The following GRB2 variants were observed in gnomAD, a reference collection of about 807,000 sequenced individuals.
GRB2 encodes the protein growth factor receptor bound protein 2.
Under a neutral mutation model 27.4 loss-of-function variants are expected in GRB2, and 2 were observed. The ratio of observed to expected loss-of-function variants is 0.07; its 90% CI spans 0.03 to 0.23. The LOEUF (loss-of-function observed/expected upper bound fraction) is 0.23. Ranked by LOEUF, GRB2 falls within the 10% of genes least tolerant of loss-of-function variation. The pLI, the probability that GRB2 is intolerant of heterozygous loss-of-function variation, is 1.00. For synonymous variants in GRB2, 94 were observed against 99.6 expected, an observed-to-expected ratio of 0.94 and a Z score of 0.33; for missense variants, 102 against 282.4, an observed-to-expected ratio of 0.36 and a Z score of 4.58.
At chr17:75,365,520 T>C (rs2078813290) in intron 2 of GRB2, among the ~76,000 whole-genome samples, 2 of 152,220 alleles carry the variant, frequency 1.3e-5, no homozygotes, top group African/African-American at 2.4e-5. Context: ...CAGGTTATTC[T>C]GGTGAGAAGA....
At chr17:75,368,544 T>G (rs2385266) in intron 2 of GRB2, among the ~76,000 whole-genome samples, 97,017 of 150,248 alleles carry the variant, frequency 0.65, 36,953 homozygotes, top group East Asian at 0.91. Context: ...TTTTGTTGTT[T>G]TTTTTTTTAA....
At chr17:75,359,967 T>A (rs1433260844) in intron 2 of GRB2, among the ~76,000 whole-genome samples, 1 of 148,534 alleles carries the variant, frequency 6.7e-6, no homozygotes, top group Non-Finnish European at 1.5e-5. Flanking sequence ...GTTACAAAGT[T>A]CTTTCTGTCT....
chr17:75,392,444 C>G (rs187338391), intron 2 of GRB2, among the ~76,000 whole-genome samples: 2 of 152,132 alleles, frequency 1.3e-5, no homozygotes, highest in African/African-American at 4.8e-5. Context: ...AACTCTACGC[C>G]TTGGGCAATG....
chr17:75,393,764 C>T lies in GRB2; in HGVS notation c.-136G>A. The T allele has an allele frequency of 1.5e-6, 1 of 675,578 alleles. No individual in the cohort carries two copies. Among genetic ancestry groups the T allele is most frequent in the Non-Finnish European group, 2.6e-6 (1 of 381,586 alleles). 41.8% of individuals were successfully genotyped at this position (675,578 alleles called of 1,614,324 possible). Reference sequence around the variant, plus strand: ...CGGCACTCTGGGACACACAATGCCACCCTGAAGCAGGAGAGGGACGATTAA... The same window carrying T: ...CGGCACTCTGGGACACACAATGCCATCCTGAAGCAGGAGAGGGACGATTAA... On this transcript the variant is annotated splice_region_variant and 5_prime_UTR_variant, in exon 2 of 6. In the 5' UTR this introduces an upstream ATG that the reference lacks. Transcript: ENST00000316804.
chr17:75,388,583 T>TGG (rs59379896), intron 2 of GRB2, among the ~76,000 whole-genome samples: 99 of 86,330 alleles, frequency 1.1e-3, no homozygotes, highest in African/African-American at 3.9e-3. Context: ...TTTAAAATAG[T>TGG]GGGGGGGGGG....
chr17:75,326,072 G>T (rs948276693), intron 3 of GRB2, 52 bp from the exon 4 acceptor site: 3 of 1,609,114 alleles, frequency 1.9e-6, no homozygotes, highest in African/African-American at 2.7e-5. Context: ...AAAGAAACGG[G>T]ATATCCAGCC....
intron 2 of GRB2, among the ~76,000 whole-genome samples, chr17:75,339,611 TTTTC>T (rs963579919): frequency 3.0e-4 from 41 of 136,610 alleles, no homozygotes; most frequent in Middle Eastern, 3.7e-3. Flanking sequence ...ACATTTTCCT[TTTTC>T]TTTCTTTCTT....
At chr17:75,372,527 T>C (rs2078862754) in intron 2 of GRB2, 1 of 152,204 alleles carries the variant, frequency 6.6e-6, no homozygotes, top group South Asian at 2.1e-4. Context: ...TTTCCTAGCA[T>C]TTCAAAGTGG....
At chr17:75,382,171 C>A (rs945926926) in intron 2 of GRB2, among the ~76,000 whole-genome samples, 1 of 151,394 alleles carries the variant, frequency 6.6e-6, no homozygotes, top group African/African-American at 2.4e-5. Flanking sequence ...TGTGGTGAGC[C>A]GAGATCGCGC....
At chr17:75,323,178 G>GAGT (rs1375980013) in intron 4 of GRB2, among the ~76,000 whole-genome samples, 1 of 148,208 alleles carries the variant, frequency 6.7e-6, no homozygotes, top group East Asian at 2.0e-4. Flanking sequence ...ATGAATGAAT[G>GAGT]AGTCCCTCCT....
intron 3 of GRB2, among the ~76,000 whole-genome samples, chr17:75,327,845 A>C (rs943576899): frequency 3.3e-5 from 5 of 152,098 alleles, no homozygotes; most frequent in African/African-American, 1.2e-4. Context: ...AGTAACTCTG[A>C]ATAGTCTGAC....
At chr17:75,403,657 G>A (rs1209993785) in intron 1 of GRB2, among the ~76,000 whole-genome samples, 1 of 152,148 alleles carries the variant, frequency 6.6e-6, no homozygotes, top group African/African-American at 2.4e-5. Flanking sequence ...CCAGCTACTC[G>A]GGAGTGCGAG....
intron 2 of GRB2, among the ~76,000 whole-genome samples, chr17:75,376,026 GAA>G (rs58559493): frequency 1.2e-4 from 8 of 65,384 alleles, no homozygotes; most frequent in Admixed American, 4.4e-4. Context: ...CTCCGTCTCA[GAA>G]AAAAAAAAAA....
At chr17:75,383,647 G>C (rs570435702) in intron 2 of GRB2, among the ~76,000 whole-genome samples, 1 of 152,246 alleles carries the variant, frequency 6.6e-6, no homozygotes, top group East Asian at 1.9e-4. Flanking sequence ...TTCGAGACCA[G>C]CCCGGCCAAT....
chr17:75,336,589 C>G (rs368095100), intron 2 of GRB2, among the ~76,000 whole-genome samples: 59 of 152,248 alleles, frequency 3.9e-4, no homozygotes, highest in African/African-American at 1.3e-3. Flanking sequence ...GTCCCCTCCC[C>G]CAACAAACAC....
At chr17:75,349,271 T>C (rs901477171) in intron 2 of GRB2, among the ~76,000 whole-genome samples, 1 of 152,316 alleles carries the variant, frequency 6.6e-6, no homozygotes, top group Non-Finnish European at 1.5e-5. Flanking sequence ...GGTAATTACA[T>C]ACATTTGGAC....
At chr17:75,341,944 C>A (rs1372782995) in intron 2 of GRB2, among the ~76,000 whole-genome samples, 1 of 152,172 alleles carries the variant, frequency 6.6e-6, no homozygotes, top group Non-Finnish European at 1.5e-5. Flanking sequence ...ATTTGGCCAT[C>A]ATCGACTCTC....
chr17:75,327,100 C>A (rs7209216), intron 3 of GRB2, among the ~76,000 whole-genome samples: 1,413 of 139,996 alleles, frequency 0.01, 29 homozygotes, highest in South Asian at 0.049. Context: ...AGGAGTCTAG[C>A]TCTGTCACCC....
intron 2 of GRB2, among the ~76,000 whole-genome samples, chr17:75,384,692 A>T (rs2078950920): frequency 6.6e-6 from 1 of 152,242 alleles, no homozygotes; most frequent in East Asian, 1.9e-4. Context: ...AACATAAAAT[A>T]AAATAAATAA....
Sources: gnomAD v4.1 joint callset for allele counts (sites outside exome capture counted in the v4.1 genomes callset) on GRCh38, gnomAD v4.1.1 for gene constraint, MANE v1.5 for transcripts, NCBI Gene and HGNC (gene_info 2026-07-23, HGNC 2026-07-21) for gene names.